The following CPQ variants were observed in gnomAD, a reference collection of about 807,000 sequenced individuals.
The protein encoded by CPQ is Ser-Met dipeptidase.
Under a neutral mutation model 45.7 loss-of-function variants are expected in CPQ, and 37 were observed. The observed-to-expected ratio is 0.81, with a 90% confidence interval of 0.62 to 1.07. The LOEUF (loss-of-function observed/expected upper bound fraction) is 1.07, where lower values mean the gene tolerates loss of function less well. Among genes scored for constraint, CPQ ranks in the 50% least tolerant of loss-of-function variants. CPQ has a pLI of 0.00. For synonymous variants in CPQ, 186 were observed against 205.8 expected (o/e 0.90, Z 0.82); for missense variants, 537 against 572.9 (o/e 0.94, Z 0.64).
At chr8:97,134,109 G>C (rs2130625815) in intron 7 of CPQ, among the ~76,000 whole-genome samples, 1 of 152,304 alleles carries the variant, frequency 6.6e-6, no homozygotes, top group East Asian at 1.9e-4. Flanking sequence ...TGTAGAAAAG[G>C]AGGATGGAGT....
chr8:96,954,427 A>G (rs1355582058), intron 4 of CPQ, among the ~76,000 whole-genome samples: 1 of 152,140 alleles, frequency 6.6e-6, no homozygotes, highest in Non-Finnish European at 1.5e-5. Context: ...CTAAATCCAC[A>G]ACATGACAAT....
At chr8:96,783,739 C>G (rs190816645) in intron 1 of CPQ, among the ~76,000 whole-genome samples, 1 of 152,042 alleles carries the variant, frequency 6.6e-6, no homozygotes, top group African/African-American at 2.4e-5. Context: ...ACTAGCCACA[C>G]GTATCTATTG....
intron 3 of CPQ, among the ~76,000 whole-genome samples, chr8:96,847,032 A>G (rs1563511911): frequency 6.6e-6 from 1 of 152,234 alleles, no homozygotes; most frequent in South Asian, 2.1e-4. Flanking sequence ...CAAGGGTTCT[A>G]TATGGATAAT....
intron 6 of CPQ, among the ~76,000 whole-genome samples, chr8:97,055,255 C>T (rs988503445): frequency 1.3e-5 from 2 of 152,150 alleles, no homozygotes; most frequent in African/African-American, 4.8e-5. Context: ...TTTCTTCCTC[C>T]TCCTGATGTC....
intron 7 of CPQ, among the ~76,000 whole-genome samples, chr8:97,072,859 C>A (rs1586526966): frequency 6.6e-6 from 1 of 152,276 alleles, no homozygotes; most frequent in East Asian, 1.9e-4. Context: ...TCTTGTTCTC[C>A]TAATTGTGAT....
chr8:96,887,003 C>T (rs2130886413), intron 4 of CPQ, among the ~76,000 whole-genome samples: 1 of 152,206 alleles, frequency 6.6e-6, no homozygotes, highest in South Asian at 2.1e-4. Flanking sequence ...CCTCTAAGTC[C>T]TCCTTGGGTC....
intron 1 of CPQ, among the ~76,000 whole-genome samples, chr8:96,721,832 T>C (rs1457119727): frequency 6.6e-6 from 1 of 152,162 alleles, no homozygotes; most frequent in Non-Finnish European, 1.5e-5. Flanking sequence ...CTTTTTTCAG[T>C]TTGTCATATG....
At chr8:97,113,987 T>C (rs1282350194) in intron 7 of CPQ, among the ~76,000 whole-genome samples, 1 of 152,206 alleles carries the variant, frequency 6.6e-6, no homozygotes, top group Non-Finnish European at 1.5e-5. Flanking sequence ...TTTAGGTTCC[T>C]ACCTGTCTCT....
chr8:97,139,579 A>C (rs575544540), intron 7 of CPQ, among the ~76,000 whole-genome samples: 15 of 152,258 alleles, frequency 9.9e-5, no homozygotes, highest in Non-Finnish European at 1.9e-4. Context: ...GAAATCAATA[A>C]TGAAAAAAAT....
intron 5 of CPQ, among the ~76,000 whole-genome samples, chr8:97,022,489 A>G (rs112325520): frequency 0.018 from 2,674 of 152,292 alleles, 87 homozygotes; most frequent in African/African-American, 0.06. Context: ...ACATCTGACA[A>G]AGGACTAATA....
At chr8:96,751,837 G>A (rs1214232589) in intron 1 of CPQ, among the ~76,000 whole-genome samples, 1 of 152,144 alleles carries the variant, frequency 6.6e-6, no homozygotes, top group African/African-American at 2.4e-5. Flanking sequence ...AAGGGGTCCA[G>A]TTTCAATTTT....
chr8:96,653,536 A>T (rs1442166686), intron 1 of CPQ, among the ~76,000 whole-genome samples: 1 of 152,192 alleles, frequency 6.6e-6, no homozygotes, highest in East Asian at 1.9e-4. Context: ...TGATTCCCCC[A>T]GAACTTAACT....
intron 4 of CPQ, among the ~76,000 whole-genome samples, chr8:96,911,448 A>T (rs527828822): frequency 1.3e-5 from 2 of 152,286 alleles, no homozygotes; most frequent in Admixed American, 1.3e-4. Context: ...TTTTCATGCC[A>T]ATGCCCTCAT....
chr8:96,826,742 G>A (rs1411898226), intron 2 of CPQ, among the ~76,000 whole-genome samples: 1 of 151,982 alleles, frequency 6.6e-6, no homozygotes, highest in Non-Finnish European at 1.5e-5. Flanking sequence ...ATTAAGTCAA[G>A]CATGCATTAG....
intron 1 of CPQ, among the ~76,000 whole-genome samples, chr8:96,661,344 C>T (rs1320370990): frequency 6.6e-6 from 1 of 152,052 alleles, no homozygotes; most frequent in Non-Finnish European, 1.5e-5. Flanking sequence ...GACATATCAT[C>T]ATCGCCCAAA....
At chr8:96,852,293 T>G (rs1362155795) in intron 3 of CPQ, among the ~76,000 whole-genome samples, 1 of 152,112 alleles carries the variant, frequency 6.6e-6, no homozygotes, top group East Asian at 1.9e-4. Flanking sequence ...CCTTCCTTCT[T>G]AACTAAAAAC....
intron 4 of CPQ, among the ~76,000 whole-genome samples, chr8:96,916,226 A>G (rs1304024805): frequency 6.6e-6 from 1 of 152,180 alleles, no homozygotes; most frequent in East Asian, 1.9e-4. Flanking sequence ...TTGACAAAGT[A>G]TCCTAATACA....
chr8:96,993,718 G>C (rs1035701319), intron 5 of CPQ, among the ~76,000 whole-genome samples: 1 of 151,988 alleles, frequency 6.6e-6, no homozygotes, highest in Non-Finnish European at 1.5e-5. Flanking sequence ...ATATATTGGT[G>C]TACAAACAAT....
intron 1 of CPQ, among the ~76,000 whole-genome samples, chr8:96,713,925 T>G (rs1809644809): frequency 6.6e-6 from 1 of 152,262 alleles, no homozygotes; most frequent in African/African-American, 2.4e-5. Flanking sequence ...TACAAAATTC[T>G]TGGTTGATAG....
Sources: gnomAD v4.1 joint callset for allele counts (sites outside exome capture counted in the v4.1 genomes callset) on GRCh38, gnomAD v4.1.1 for gene constraint, MANE v1.5 for transcripts, NCBI Gene and HGNC (gene_info 2026-07-23, HGNC 2026-07-21) for gene names.